Variants in COL23A1 observed in about 807,000 individuals in gnomAD.
The protein encoded by COL23A1 is collagen alpha-1(XXIII) chain.
COL23A1 carries 97 observed loss-of-function variants against 99.3 expected under a neutral mutation model. The ratio of observed to expected loss-of-function variants is 0.98; its 90% CI spans 0.83 to 1.16. The LOEUF (loss-of-function observed/expected upper bound fraction) is 1.16, where lower values mean the gene tolerates loss of function less well. Among genes scored for constraint, COL23A1 ranks in the 50% most tolerant of loss-of-function variants. COL23A1 has a pLI of 0.00. For synonymous variants in COL23A1, 320 were observed against 308.2 expected (o/e 1.04, Z -0.40); for missense variants, 762 against 757.4 (o/e 1.01, Z -0.07).
At chr5:178,515,022 A>C (rs1759425584) in intron 2 of COL23A1, among the ~76,000 whole-genome samples, 1 of 152,258 alleles carries the variant, frequency 6.6e-6, no homozygotes, top group Non-Finnish European at 1.5e-5. Context: ...CTCTCTTCGA[A>C]GCAAACTTTT....
chr5:178,262,100 GCACA>G lies in COL23A1; in HGVS notation c.675+113_675+116del, dbSNP rs200546032. The G allele has an allele frequency of 2.7e-6, 3 of 1,100,428 alleles. No individual in the cohort carries two copies. The African/African-American group carries it at 5.2e-5, about 19-fold the overall frequency. The allele number at this position is 1,100,428 out of a possible 1,614,324, so 68.2% of individuals were successfully genotyped here. Reference sequence around the variant, plus strand: ...CAGACACGTACATGCAGAGGCGCGCGCACACACATAAACATGTGCGCGTGACCCT... The same window carrying G: ...CAGACACGTACATGCAGAGGCGCGCGCACATAAACATGTGCGCGTGACCCT... On this transcript the variant is annotated intron_variant, in intron 10 of 28. Coordinates refer to ENST00000390654, the MANE Select transcript of COL23A1 (RefSeq NM_173465.4).
At chr5:178,510,707 GAGAAA>G (rs1759159163) in intron 2 of COL23A1, among the ~76,000 whole-genome samples, 1 of 151,078 alleles carries the variant, frequency 6.6e-6, no homozygotes, top group Non-Finnish European at 1.5e-5. Flanking sequence ...ATAAAAAAAA[GAGAAA>G]AGAAAATAAA....
At chr5:178,495,332 G>C (rs1399418713) in intron 2 of COL23A1, among the ~76,000 whole-genome samples, 1 of 152,204 alleles carries the variant, frequency 6.6e-6, no homozygotes, top group South Asian at 2.1e-4. Context: ...TTAATATTCT[G>C]CTCATGGTGA....
chr5:178,589,860 C>G lies in COL23A1; in HGVS notation c.294+44G>C, dbSNP rs1410241513. Reference sequence around the variant, plus strand: ...CTCCCAGCGTACCGCCACCCTCAACCCGACACACCCAAGTCCGCCCCAGCC... The same window carrying G: ...CTCCCAGCGTACCGCCACCCTCAACGCGACACACCCAAGTCCGCCCCAGCC... On this transcript the variant is annotated intron_variant, in intron 1 of 28. Transcript: ENST00000390654. This position sits in a 1 kb window ranked among gnomAD's most constrained non-coding sequence, Gnocchi z 5.4. 4.0e-6 allele frequency: 5 copies of G among 1,265,072 alleles called. No homozygotes were observed. The highest frequency in any genetic ancestry group is 4.3e-5 in the Admixed American group (1 of 23,292). 78.4% of individuals were successfully genotyped at this position (1,265,072 alleles called of 1,614,324 possible).
intron 2 of COL23A1, among the ~76,000 whole-genome samples, chr5:178,547,729 CCCA>C (rs1327132670): frequency 1.6e-3 from 6 of 3,812 alleles, no homozygotes; most frequent in South Asian, 7.8e-3. Context: ...CACCCACACA[CCCA>C]CCCCACACAC....
chr5:178,571,877 G>A (rs1228840583), intron 1 of COL23A1, among the ~76,000 whole-genome samples: 1 of 152,096 alleles, frequency 6.6e-6, no homozygotes, highest in African/African-American at 2.4e-5. Context: ...AGACCATCCT[G>A]GCTAACACGG....
At chr5:178,250,578 A>T (rs1164692904) in intron 17 of COL23A1, among the ~76,000 whole-genome samples, 3 of 152,256 alleles carry the variant, frequency 2.0e-5, no homozygotes, top group Non-Finnish European at 4.4e-5. Flanking sequence ...TACCCCCAAC[A>T]GCAGCTAAAT....
chr5:178,339,266 A>G (rs564210394), intron 2 of COL23A1, among the ~76,000 whole-genome samples: 247 of 152,326 alleles, frequency 1.6e-3, no homozygotes, highest in African/African-American at 5.8e-3. Flanking sequence ...ATGGACAGGC[A>G]AAGCCACGAC....
intron 2 of COL23A1, among the ~76,000 whole-genome samples, chr5:178,314,122 G>A (rs1006399401): frequency 1.3e-5 from 2 of 152,084 alleles, no homozygotes; most frequent in Non-Finnish European, 2.9e-5. Context: ...GGAGAGGCTG[G>A]CCAGCTTGCT....
At chr5:178,282,593 C>T (rs1240723930) in intron 5 of COL23A1, among the ~76,000 whole-genome samples, 2 of 152,194 alleles carry the variant, frequency 1.3e-5, no homozygotes, top group African/African-American at 4.8e-5. Flanking sequence ...GGCATGCAAG[C>T]AGGCCGTGTG....
intron 11 of COL23A1, 69 bp downstream of exon 11, chr5:178,261,653 T>C: frequency 9.5e-7 from 1 of 1,056,684 alleles, no homozygotes; most frequent in Non-Finnish European, 1.5e-6. Flanking sequence ...AGACAGGAAG[T>C]GGAGGTGGTG....
chr5:178,431,431 C>G (rs6894372), intron 2 of COL23A1, among the ~76,000 whole-genome samples: 6,714 of 152,254 alleles, frequency 0.044, 474 homozygotes, highest in African/African-American at 0.15. Flanking sequence ...CCAGAACCCG[C>G]GAATGGTTCC....
intron 2 of COL23A1, among the ~76,000 whole-genome samples, chr5:178,436,054 G>A (rs1407226419): frequency 6.6e-6 from 1 of 152,218 alleles, no homozygotes; most frequent in East Asian, 1.9e-4. Flanking sequence ...ACTGAAGGCC[G>A]ACTTCACGGA....
chr5:178,343,811 C>T (rs1281314988), intron 2 of COL23A1, among the ~76,000 whole-genome samples: 6 of 151,916 alleles, frequency 3.9e-5, no homozygotes, highest in Non-Finnish European at 7.4e-5. Flanking sequence ...TACAGGTGCA[C>T]GCCACCACGG....
chr5:178,419,590 T>A (rs144965580), intron 2 of COL23A1, among the ~76,000 whole-genome samples: 2 of 152,196 alleles, frequency 1.3e-5, no homozygotes, highest in African/African-American at 2.4e-5. Flanking sequence ...TGCCTCCCCA[T>A]GTGCTGGCCC....
rs1180209668 is a variant in COL23A1, at chr5:178,590,030, G to A, written c.168C>T (p.Val56=). 1.0e-5 allele frequency: 14 copies of A among 1,356,048 alleles called. No homozygotes were observed. The highest frequency in any genetic ancestry group is 1.7e-5 in the South Asian group (1 of 58,140). The allele number at this position is 1,356,048 out of a possible 1,614,324, so 84.0% of individuals were successfully genotyped here. The part of the protein sequence containing the change: ...GSAAACLLLG[V]QAAALQGRVA... ...CCCGGCCCTGCAGCGCGGCCGCCTG[G>A]ACACCCAGCAGCAGGCAGGCAGCCG... The change falls in exon 1 of 29, where the codon GTC becomes GTT. Residue 56 remains valine, a synonymous_variant. Coordinates refer to ENST00000390654, the MANE Select transcript of COL23A1 (RefSeq NM_173465.4). This position sits in a 1 kb window ranked among gnomAD's most constrained non-coding sequence, Gnocchi z 5.7.
chr5:178,494,381 G>A (rs1322741989), intron 2 of COL23A1, among the ~76,000 whole-genome samples: 1 of 152,214 alleles, frequency 6.6e-6, no homozygotes, highest in Non-Finnish European at 1.5e-5. Flanking sequence ...GTGTTGGGAG[G>A]ATGGGGGTTG....
intron 2 of COL23A1, among the ~76,000 whole-genome samples, chr5:178,342,985 A>G (rs991888153): frequency 3.9e-5 from 6 of 152,234 alleles, no homozygotes; most frequent in African/African-American, 1.4e-4. Flanking sequence ...CATGGACTGT[A>G]AGGCCACAGG....
At position 178,239,818 on chromosome 5, in the gene COL23A1, G is replaced by C. The variant is rs373394635; in HGVS notation, c.1582-639C>G. Among the ~76,000 whole-genome samples, 204 of 97,318 alleles carry C rather than the reference G, an allele frequency of 2.1e-3. 2 individuals carry two copies. Among genetic ancestry groups the C allele is most frequent in the Middle Eastern group, 5.6e-3 (1 of 178 alleles). The allele number at this position is 97,318 out of a possible 152,430, so 63.8% of individuals were successfully genotyped here. ...GTGTGGCTTCCTGCCTGATGTGACA[G>C]TGACTCTGGCCTGGGTCCTGCCGAG... On this transcript the variant is annotated intron_variant, in intron 27 of 28. Coordinates refer to ENST00000390654, the MANE Select transcript of COL23A1 (RefSeq NM_173465.4).
Sources: gnomAD v4.1 joint callset for allele counts (sites outside exome capture counted in the v4.1 genomes callset) on GRCh38, gnomAD v4.1.1 for gene constraint, Gnocchi (gnomAD v3.1) non-coding constraint, MANE v1.5 for transcripts, NCBI Gene and HGNC (gene_info 2026-07-23, HGNC 2026-07-21) for gene names.